ONECUT2: variants seen among roughly 807,000 people sequenced by gnomAD.
ONECUT2 encodes one cut homeobox 2.
A neutral mutation model predicts 27.9 loss-of-function variants in ONECUT2; 10 were observed. That is an observed-to-expected ratio of 0.36 (90% CI 0.22 to 0.61). ONECUT2 has a LOEUF of 0.61. Among genes scored for constraint, ONECUT2 ranks in the 20% least tolerant of loss-of-function variants. The probability of loss-of-function intolerance (pLI) is 0.73; values close to 1 mark genes in which losing one functional copy is unlikely to be tolerated. For synonymous variants in ONECUT2, 334 were observed against 315.1 expected, an observed-to-expected ratio of 1.06 and a Z score of -0.64; for missense variants, 686 against 721.0, an observed-to-expected ratio of 0.95 and a Z score of 0.56.
At chr18:57,462,904 G>A (rs1235916775) in intron 1 of ONECUT2, among the ~76,000 whole-genome samples, 1 of 151,624 alleles carries the variant, frequency 6.6e-6, no homozygotes, top group Non-Finnish European at 1.5e-5. Context: ...GCTAATTTTT[G>A]TATTTTTAGT....
intron 1 of ONECUT2, among the ~76,000 whole-genome samples, chr18:57,443,272 G>A (rs1013991565): frequency 6.6e-5 from 10 of 152,142 alleles, no homozygotes; most frequent in Admixed American, 3.9e-4. Context: ...CCTGTATAAA[G>A]GGCCCTGGGG....
At position 57,484,606 on chromosome 18, in the gene ONECUT2, C is replaced by A. The variant is rs1324883319; in HGVS notation, c.*7883C>A. On this transcript the variant is annotated 3_prime_UTR_variant, in exon 2 of 2. Coordinates refer to ENST00000491143, the MANE Select transcript of ONECUT2 (RefSeq NM_004852.3). ...GGTTGGAAATGGCCTTCAGTCCTAG[C>A]CATGGCCTCTATCCCCGCTGGGACC... The A allele has an allele frequency of 6.6e-6, 1 of 152,392 alleles. No homozygotes were observed. The highest frequency in any genetic ancestry group is 2.4e-5 in the African/African-American group (1 of 41,442). 9.4% of individuals were successfully genotyped at this position (152,392 alleles called of 1,614,324 possible).
rs369952701 is a variant in ONECUT2 at position 57,485,519 on chromosome 18, C to T, written c.*8796C>T. ...AAATGATTAAATCACTATTAAGAGC[C>T]ATTCATCAACGTGATTTGTGTGTTA... On this transcript the variant is annotated 3_prime_UTR_variant, in exon 2 of 2. Coordinates refer to ENST00000491143, the MANE Select transcript of ONECUT2 (RefSeq NM_004852.3). The T allele has an allele frequency of 1.3e-5, 2 of 152,126 alleles. No homozygotes were observed. The highest frequency in any genetic ancestry group is 3.8e-4 in the East Asian group (2 of 5,196). 9.4% of individuals were successfully genotyped at this position (152,126 alleles called of 1,614,324 possible).
Position 57,476,863 on chromosome 18 carries a change from CTT to C in ONECUT2, c.*141_*142del. ...AAAGCACAATTCTCTTGCAAAGAAA[CTT>C]ATATTCTAGCTGTAATCATAGGCCA... On this transcript the variant is annotated 3_prime_UTR_variant, in exon 2 of 2. Coordinates refer to ENST00000491143, the MANE Select transcript of ONECUT2 (RefSeq NM_004852.3). 2 of 964,972 alleles carry C rather than the reference CTT, an allele frequency of 2.1e-6. No individual in the cohort carries two copies. Among genetic ancestry groups the C allele is most frequent in the Admixed American group, 2.8e-5 (1 of 35,114 alleles). 59.8% of individuals were successfully genotyped at this position (964,972 alleles called of 1,614,324 possible).
chr18:57,446,672 T>C (rs1380477899), intron 1 of ONECUT2, among the ~76,000 whole-genome samples: 1 of 152,228 alleles, frequency 6.6e-6, no homozygotes, highest in African/African-American at 2.4e-5. Context: ...ATTATCTTCC[T>C]AGAAGTAGCT....
chr18:57,465,165 G>T (rs966581569), intron 1 of ONECUT2, among the ~76,000 whole-genome samples: 4 of 151,962 alleles, frequency 2.6e-5, no homozygotes, highest in African/African-American at 4.8e-5. Context: ...GGGGGCGGGG[G>T]TTGTTTGTTT....
chr18:57,469,082 T>C (rs1263435534), intron 1 of ONECUT2, among the ~76,000 whole-genome samples: 1 of 152,184 alleles, frequency 6.6e-6, no homozygotes, highest in Admixed American at 6.5e-5. Context: ...GAACCTACTT[T>C]TGTAATTGAT....
chr18:57,446,219 T>C (rs1269293112), intron 1 of ONECUT2, among the ~76,000 whole-genome samples: 1 of 152,228 alleles, frequency 6.6e-6, no homozygotes, highest in Non-Finnish European at 1.5e-5. Context: ...GCACAACTTG[T>C]TTACATTTCC....
intron 1 of ONECUT2, among the ~76,000 whole-genome samples, chr18:57,468,920 C>A (rs2050338713): frequency 6.6e-6 from 1 of 152,176 alleles, no homozygotes; most frequent in South Asian, 2.1e-4. Context: ...GGGTTCTCTA[C>A]TGGACACCAT....
At chr18:57,442,807 G>T (rs1300394511) in intron 1 of ONECUT2, among the ~76,000 whole-genome samples, 1 of 152,196 alleles carries the variant, frequency 6.6e-6, no homozygotes, top group African/African-American at 2.4e-5. Flanking sequence ...CAGATTCTCT[G>T]TCCCTACAAG....
Position 57,487,055 on chromosome 18 carries a change from T to G in ONECUT2, c.*10332T>G, listed in dbSNP as rs1354632348. 6.6e-6 allele frequency: 1 copy of G among 152,650 alleles called. No individual in the cohort carries two copies. The highest frequency in any genetic ancestry group is 1.5e-5 in the Non-Finnish European group (1 of 68,036). 9.5% of individuals were successfully genotyped at this position (152,650 alleles called of 1,614,324 possible). ...TGGGCGCCTATTGTTTGTTAGCAGT[T>G]GTGGAACAGTTGTGTATACATTAAA... On this transcript the variant is annotated 3_prime_UTR_variant, in exon 2 of 2. Coordinates refer to ENST00000491143, the MANE Select transcript of ONECUT2 (RefSeq NM_004852.3).
chr18:57,457,467 C>T lies in ONECUT2; in HGVS notation c.1229-18970C>T, dbSNP rs150071864. 4.8e-3 allele frequency among the ~76,000 whole-genome samples: 732 copies of T among 152,236 alleles called. 8 individuals carry two copies. Among genetic ancestry groups the T allele is most frequent in the African/African-American group, 0.017 (706 of 41,534 alleles). On this transcript the variant is annotated intron_variant, in intron 1 of 1. Transcript: ENST00000491143. ...AGTGATGTTCAAATTCCTGAACTCC[C>T]TCCCCTGCCCCTACTTCCTTTTCTC... is the stretch of plus-strand genomic sequence containing the variant.
intron 1 of ONECUT2, among the ~76,000 whole-genome samples, chr18:57,441,068 A>G (rs2050171581): frequency 6.6e-6 from 1 of 152,268 alleles, no homozygotes; most frequent in African/African-American, 2.4e-5. Flanking sequence ...CCGAGGGAGG[A>G]GAGTGAACCC....
rs2050442308 is a variant in ONECUT2, at chr18:57,487,116, G to A, written c.*10393G>A. 1 of 152,584 alleles carries A rather than the reference G, an allele frequency of 6.6e-6. No homozygotes were observed. Among genetic ancestry groups the A allele is most frequent in the South Asian group, 2.1e-4 (1 of 4,822 alleles). 9.5% of individuals were successfully genotyped at this position (152,584 alleles called of 1,614,324 possible). A position where few individuals can be genotyped will look rare whatever the true frequency, so the allele number is the denominator to read the frequency against. On this transcript the variant is annotated 3_prime_UTR_variant, in exon 2 of 2. Transcript: ENST00000491143. ...GTACACAGTTCAGCCTCAGACGGTG[G>A]TAATATTGGTTTTATTGGGAGATGT... is the stretch of plus-strand genomic sequence containing the variant.
chr18:57,445,696 A>G (rs905607827), intron 1 of ONECUT2, among the ~76,000 whole-genome samples: 1 of 152,268 alleles, frequency 6.6e-6, no homozygotes, highest in South Asian at 2.1e-4. Context: ...TGAGCTCTCC[A>G]GGCTGTGTTG....
At chr18:57,459,959 G>C (rs2050281015) in intron 1 of ONECUT2, among the ~76,000 whole-genome samples, 1 of 152,036 alleles carries the variant, frequency 6.6e-6, no homozygotes, top group Non-Finnish European at 1.5e-5. Flanking sequence ...ATCTCACTCT[G>C]TTGCCTAGGC....
At position 57,480,191 on chromosome 18, in the gene ONECUT2, C is replaced by T. The variant is rs2050408729; in HGVS notation, c.*3468C>T. 6.6e-6 allele frequency: 1 copy of T among 152,178 alleles called. No individual in the cohort carries two copies. The highest frequency in any genetic ancestry group is 2.1e-4 in the South Asian group (1 of 4,824). 9.4% of individuals were successfully genotyped at this position (152,178 alleles called of 1,614,324 possible). A position where few individuals can be genotyped will look rare whatever the true frequency, so the allele number is the denominator to read the frequency against. On this transcript the variant is annotated 3_prime_UTR_variant, in exon 2 of 2. Coordinates refer to ENST00000491143, the MANE Select transcript of ONECUT2 (RefSeq NM_004852.3). ...GTGACTCTCCACAATTTTTATAATTCATCCTTCCTAGGAGATTGTTCATTG... is the reference window on the plus strand; with the variant it reads ...GTGACTCTCCACAATTTTTATAATTTATCCTTCCTAGGAGATTGTTCATTG...
intron 1 of ONECUT2, among the ~76,000 whole-genome samples, chr18:57,470,393 C>A (rs1436044452): frequency 6.6e-6 from 1 of 152,172 alleles, no homozygotes; most frequent in Non-Finnish European, 1.5e-5. Flanking sequence ...AATTGAGTCA[C>A]CCTAAACAAA....
rs1362196327 is a variant in ONECUT2 at position 57,485,748 on chromosome 18, G to T, written c.*9025G>T. On this transcript the variant is annotated 3_prime_UTR_variant, in exon 2 of 2. Coordinates refer to ENST00000491143, the MANE Select transcript of ONECUT2 (RefSeq NM_004852.3). Reference sequence around the variant, plus strand: ...CTCATCAGTTCCATGCATCAACAAAGCATAGCTAGTAGAGGAATATAAATG... The same window carrying T: ...CTCATCAGTTCCATGCATCAACAAATCATAGCTAGTAGAGGAATATAAATG... 6.6e-6 allele frequency: 1 copy of T among 152,138 alleles called. No individual in the cohort carries two copies. Among genetic ancestry groups the T allele is most frequent in the Non-Finnish European group, 1.5e-5 (1 of 68,006 alleles). 9.4% of individuals were successfully genotyped at this position (152,138 alleles called of 1,614,324 possible). A position where few individuals can be genotyped will look rare whatever the true frequency, so the allele number is the denominator to read the frequency against.
Sources: allele counts gnomAD v4.1 joint callset (sites outside exome capture counted in the v4.1 genomes callset), GRCh38; gene constraint gnomAD v4.1.1; transcripts MANE v1.5; gene names NCBI Gene and HGNC (gene_info 2026-07-23, HGNC 2026-07-21).